The following ABCC9 variants were observed in gnomAD, a reference collection of about 807,000 sequenced individuals.
ABCC9 encodes ATP binding cassette subfamily C member 9.
In ABCC9, 95 loss-of-function variants were observed where a neutral mutation model predicts 188.3. That is an observed-to-expected ratio of 0.50 (90% CI 0.43 to 0.60). The LOEUF (loss-of-function observed/expected upper bound fraction) is 0.60. Among genes scored for constraint, ABCC9 ranks in the 20% least tolerant of loss-of-function variants. ABCC9 has a pLI of 0.00. For synonymous variants in ABCC9, 659 were observed against 652.7 expected (o/e 1.01, Z -0.15); for missense variants, 1,102 against 1,876.3 (o/e 0.59, Z 7.62).
At chr12:21,903,887 A>C (rs1947896996) in intron 12 of ABCC9, among the ~76,000 whole-genome samples, 3 of 152,256 alleles carry the variant, frequency 2.0e-5, no homozygotes, top group African/African-American at 7.2e-5. Context: ...TGCTATCCCC[A>C]TCAAGCTACC....
chr12:21,843,143 CCTTT>C (rs2137376813), intron 28 of ABCC9, among the ~76,000 whole-genome samples: 1 of 152,174 alleles, frequency 6.6e-6, no homozygotes, highest in African/African-American at 2.4e-5. Flanking sequence ...CTGAGAAAGA[CCTTT>C]CCCACCCCAA....
intron 15 of ABCC9, among the ~76,000 whole-genome samples, chr12:21,887,363 A>T (rs568425412): frequency 6.6e-6 from 1 of 152,286 alleles, no homozygotes; most frequent in East Asian, 1.9e-4. Context: ...CAAAATAAAA[A>T]GAGCTAGAAA....
rs562955843 is a variant in ABCC9 at position 21,867,517 on chromosome 12, G to C, written c.2199-3040C>G. Among the ~76,000 whole-genome samples the C allele has an allele frequency of 3.3e-4, 50 of 152,188 alleles. 1 individual carries two copies. The highest frequency in any genetic ancestry group is 1.1e-3 in the African/African-American group (47 of 41,514). On this transcript the variant is annotated intron_variant, in intron 18 of 39. Transcript: ENST00000261200. ...TGTATTAGCAACTTCCAAGTATTAT[G>C]GTTAATAATATTATGGAATGGGAGA... is the stretch of plus-strand genomic sequence containing the variant.
intron 29 of ABCC9, among the ~76,000 whole-genome samples, chr12:21,839,604 G>A (rs751273064): frequency 6.6e-6 from 1 of 152,194 alleles, no homozygotes; most frequent in Admixed American, 6.5e-5. Context: ...TAGGCTAACA[G>A]TTATATCACA....
chr12:21,807,226 G>A (rs1209449288), intron 38 of ABCC9, 120 bp downstream of exon 38: 3 of 1,352,504 alleles, frequency 2.2e-6, no homozygotes, highest in East Asian at 2.3e-5. Flanking sequence ...GTAGATGATT[G>A]AGCAGATTCT....
At chr12:21,880,217 T>G (rs748851914) in intron 16 of ABCC9, among the ~76,000 whole-genome samples, 5 of 152,124 alleles carry the variant, frequency 3.3e-5, no homozygotes, top group Non-Finnish European at 7.4e-5. Flanking sequence ...ATCACATCCC[T>G]ACTTCATACT....
At chr12:21,846,583 T>G (rs1944683578) in intron 25 of ABCC9, among the ~76,000 whole-genome samples, 1 of 152,162 alleles carries the variant, frequency 6.6e-6, no homozygotes, top group Admixed American at 6.6e-5. Flanking sequence ...ACTTTTTAGG[T>G]TATTAGACCA....
At chr12:21,808,778 C>CA (rs34314026) in intron 37 of ABCC9, among the ~76,000 whole-genome samples, 20,233 of 79,836 alleles carry the variant, frequency 0.25, 2,088 homozygotes, top group Non-Finnish European at 0.31. Flanking sequence ...GAACTTGTCT[C>CA]AAAAAAAAAA....
At chr12:21,868,415 G>A (rs1252987716) in intron 18 of ABCC9, among the ~76,000 whole-genome samples, 6 of 152,236 alleles carry the variant, frequency 3.9e-5, no homozygotes, top group African/African-American at 1.2e-4. Flanking sequence ...CGAGACAGGC[G>A]GATTATGAGG....
chr12:21,875,447 G>A (rs556794364), intron 17 of ABCC9, among the ~76,000 whole-genome samples: 22 of 152,214 alleles, frequency 1.4e-4, no homozygotes, highest in Admixed American at 5.9e-4. Flanking sequence ...TTGTCCAAAG[G>A]TATAGACGCC....
At position 21,899,059 on chromosome 12, in the gene ABCC9, A is replaced by G. The variant is rs187711661; in HGVS notation, c.1619-3744T>C. Among the ~76,000 whole-genome samples the G allele has an allele frequency of 2.2e-3, 332 of 152,312 alleles. 1 individual carries two copies. The highest frequency in any genetic ancestry group is 3.5e-3 in the Non-Finnish European group (235 of 68,018). ...AATATTTTTAACCCTTTTCCCGTTT[A>G]GAAAAAACAAAGTGTATCTCACTGC... is the stretch of plus-strand genomic sequence containing the variant. On this transcript the variant is annotated intron_variant, in intron 12 of 39. Coordinates refer to ENST00000261200, the MANE Select transcript of ABCC9 (RefSeq NM_020297.4).
At chr12:21,805,105 C>CT in intron 39 of ABCC9, 1 of 1,605,922 alleles carries the variant, frequency 6.2e-7, no homozygotes, top group South Asian at 1.1e-5. Flanking sequence ...TTAGCCATGC[C>CT]TTACTGAGAG....
chr12:21,904,176 T>G (rs1592196186), intron 12 of ABCC9, among the ~76,000 whole-genome samples: 1 of 166 alleles, frequency 6.0e-3, no homozygotes, highest in South Asian at 0.25. Flanking sequence ...CAAGAAATGG[T>G]GAAAGATTCT....
At chr12:21,915,504 A>G (rs1193127824) in intron 7 of ABCC9, among the ~76,000 whole-genome samples, 164 bp downstream of exon 7, 1 of 544 alleles carries the variant, frequency 1.8e-3, no homozygotes. Flanking sequence ...GTGTGTGTAT[A>G]TATATATATA....
intron 2 of ABCC9, among the ~76,000 whole-genome samples, chr12:21,939,744 G>C (rs550402699): frequency 2.0e-5 from 3 of 152,334 alleles, no homozygotes; most frequent in African/African-American, 7.2e-5. Flanking sequence ...AGAGGTGATA[G>C]AGTTGGAGAA....
chr12:21,803,532 G>A (rs1941623915), intron 39 of ABCC9, among the ~76,000 whole-genome samples: 1 of 151,586 alleles, frequency 6.6e-6, no homozygotes. Context: ...GTGCATGCCT[G>A]CAACCCCAGC....
intron 31 of ABCC9, among the ~76,000 whole-genome samples, chr12:21,822,790 C>CAAAAA (rs538002229): frequency 2.4e-5 from 2 of 84,312 alleles, no homozygotes; most frequent in East Asian, 3.9e-4. Flanking sequence ...GACTCCGTCT[C>CAAAAA]AAAAAAAAAA....
chr12:21,900,472 C>T (rs1016710193), intron 12 of ABCC9, among the ~76,000 whole-genome samples: 1 of 152,282 alleles, frequency 6.6e-6, no homozygotes, highest in East Asian at 1.9e-4. Context: ...ATGACTTTGA[C>T]GAGTTGACAG....
At position 21,864,436 on chromosome 12, in the gene ABCC9, T is replaced by C; in HGVS notation, c.2237+3A>G. 1 of 1,577,376 alleles carries C rather than the reference T, an allele frequency of 6.3e-7. No individual in the cohort carries two copies. The highest frequency in any genetic ancestry group is 1.7e-5 in the Admixed American group (1 of 59,844). The stretch of plus-strand genomic sequence containing the variant: ...TAAACTCAGGTTAAAATAGAAATAA[T>C]ACCTTCTGGTTGCTTCAAAAGAAGG... On this transcript the variant is annotated splice_donor_region_variant and intron_variant, in intron 19 of 39. Coordinates refer to ENST00000261200, the MANE Select transcript of ABCC9 (RefSeq NM_020297.4).
Sources: allele counts gnomAD v4.1 joint callset (sites outside exome capture counted in the v4.1 genomes callset), GRCh38; gene constraint gnomAD v4.1.1; transcripts MANE v1.5; gene names NCBI Gene and HGNC (gene_info 2026-07-23, HGNC 2026-07-21).